ZNF682: variants seen among roughly 807,000 people sequenced by gnomAD.
ZNF682 encodes zinc finger protein 682.
ZNF682 carries 29 observed loss-of-function variants against 36.5 expected under a neutral mutation model. That is an observed-to-expected ratio of 0.80 (90% CI 0.59 to 1.08). The LOEUF (loss-of-function observed/expected upper bound fraction) is 1.08, where lower values mean the gene tolerates loss of function less well. Among genes scored for constraint, ZNF682 ranks in the 50% least tolerant of loss-of-function variants. The pLI is 0.00. For missense variants in ZNF682, 561 were observed against 579.7 expected, an observed-to-expected ratio of 0.97 and a Z score of 0.33; for synonymous variants, 180 against 197.0, an observed-to-expected ratio of 0.91 and a Z score of 0.72.
At chr19:20,021,510 C>T (rs1473076694) in intron 3 of ZNF682, among the ~76,000 whole-genome samples, 2 of 151,980 alleles carry the variant, frequency 1.3e-5, no homozygotes, top group East Asian at 1.9e-4. Flanking sequence ...AAAACAACAA[C>T]AACAAAAAAC....
At chr19:20,023,842 C>T (rs1386366240) in intron 2 of ZNF682, among the ~76,000 whole-genome samples, 6 of 151,826 alleles carry the variant, frequency 4.0e-5, no homozygotes, top group African/African-American at 1.5e-4. Context: ...ATTAGCTGGC[C>T]GTGGTGGTGG....
chr19:20,011,961 C>T (rs1156954795), intron 3 of ZNF682, among the ~76,000 whole-genome samples: 1 of 151,834 alleles, frequency 6.6e-6, no homozygotes, highest in African/African-American at 2.4e-5. Context: ...CACTTGAACC[C>T]AGGAGGCAGA....
At chr19:20,029,809 C>A (rs2088464682) in intron 1 of ZNF682, among the ~76,000 whole-genome samples, 1 of 106,774 alleles carries the variant, frequency 9.4e-6, no homozygotes, top group African/African-American at 3.6e-5. Flanking sequence ...CCTCTAGAAA[C>A]AGTGGTTTTA....
chr19:19,995,294 T>C (rs1250205060), downstream of ZNF682, among the ~76,000 whole-genome samples: 1 of 152,124 alleles, frequency 6.6e-6, no homozygotes, highest in Non-Finnish European at 1.5e-5. Flanking sequence ...ACTGTATATA[T>C]TTACACCACC....
At position 20,006,165 on chromosome 19, in the gene ZNF682, A is replaced by C; in HGVS notation, c.1337T>G (p.Ile446Ser). ...RCSHLTRHKK[I>S]HTAVKRYKCE... ...TTTATAGCGTTTGACGGCAGTATGA[A>C]TTTTCTTATGTCTAGTAAGGTGTGA... The change falls in exon 4 of 4, where the codon ATT (isoleucine) becomes AGT (serine). Residue 446 changes from isoleucine (I) to serine (S), a missense_variant. Ile to Ser is a moderately radical substitution (Grantham distance 142, BLOSUM62 -2). Coordinates refer to ENST00000397165, the MANE Select transcript of ZNF682 (RefSeq NM_033196.3). 6.2e-7 allele frequency: 1 copy of C among 1,612,508 alleles called. No homozygotes were observed. Among genetic ancestry groups the C allele is most frequent in the Middle Eastern group, 1.7e-4 (1 of 6,054 alleles).
intron 1 of ZNF682, among the ~76,000 whole-genome samples, chr19:20,036,784 T>C (rs1169936863): frequency 1.7e-5 from 2 of 117,328 alleles, no homozygotes; most frequent in African/African-American, 3.3e-5. Context: ...TCCGGGAACA[T>C]GGTGAGATGC....
chr19:20,003,994 C>T (rs1408496098), downstream of ZNF682, among the ~76,000 whole-genome samples: 2 of 152,178 alleles, frequency 1.3e-5, no homozygotes, highest in Non-Finnish European at 2.9e-5. Flanking sequence ...TTCCCTTACA[C>T]TTTATCTTTA....
chr19:20,021,133 C>T (rs918629900), intron 3 of ZNF682, among the ~76,000 whole-genome samples: 2 of 152,152 alleles, frequency 1.3e-5, no homozygotes, highest in African/African-American at 4.8e-5. Flanking sequence ...AAAAAAATCT[C>T]ATGTTTAAAG....
chr19:20,039,208 G>T, intron 1 of ZNF682, 135 bp downstream of exon 1: 2 of 1,452,854 alleles, frequency 1.4e-6, no homozygotes, highest in Non-Finnish European at 1.8e-6. Context: ...CGACGGCCGA[G>T]CTGTGCCTGC....
intron 3 of ZNF682, chr19:20,015,135 T>C (rs749985230): frequency 6.0e-5 from 55 of 913,308 alleles, no homozygotes; most frequent in Non-Finnish European, 7.1e-5. Context: ...AAATAAACAA[T>C]TACACCTAAA....
In ZNF682 at chr19:20,013,877, G is replaced by A. The variant is rs192241827; in HGVS notation, c.227-6602C>T. Among the ~76,000 whole-genome samples, 288 of 152,240 alleles carry A rather than the reference G, an allele frequency of 1.9e-3. 1 individual carries two copies. Among genetic ancestry groups the A allele is most frequent in the Non-Finnish European group, 2.9e-3 (200 of 68,022 alleles). On this transcript the variant is annotated intron_variant, in intron 3 of 3. Transcript: ENST00000397165. Reference sequence around the variant, plus strand: ...TTGCAGGTGTGAGCCACCATGCCTGGCCTAGCAAACTTTTAAAAATGGAAA... The same window carrying A: ...TTGCAGGTGTGAGCCACCATGCCTGACCTAGCAAACTTTTAAAAATGGAAA...
At chr19:20,000,632 C>T (rs913849929), downstream of ZNF682, among the ~76,000 whole-genome samples, 2 of 152,170 alleles carry the variant, frequency 1.3e-5, no homozygotes, top group African/African-American at 2.4e-5. Flanking sequence ...AAAATGGGGA[C>T]GAAGTTTATC....
chr19:20,002,506 G>A (rs147565448), downstream of ZNF682, among the ~76,000 whole-genome samples: 296 of 152,258 alleles, frequency 1.9e-3, no homozygotes, highest in Non-Finnish European at 3.4e-3. Context: ...CTTAACTTGC[G>A]CAGTCCCTTT....
At position 20,007,069 on chromosome 19, in the gene ZNF682, A is replaced by C. The variant is rs748462207; in HGVS notation, c.433T>G (p.Phe145Val). 1.2e-6 allele frequency: 2 copies of C among 1,613,462 alleles called. No homozygotes were observed. The highest frequency in any genetic ancestry group is 8.5e-7 in the Non-Finnish European group (1 of 1,179,928). The change falls in exon 4 of 4, where the codon TTC (phenylalanine) becomes GTC (valine). Residue 145 changes from phenylalanine (F) to valine (V), a missense_variant. Phe to Val is a conservative substitution (Grantham distance 50, BLOSUM62 -1). Coordinates refer to ENST00000397165, the MANE Select transcript of ZNF682 (RefSeq NM_033196.3). ...ACTTTCACACATTTATTATATGGGA[A>C]AATTTTGCTAGGTAGAGTTGACAAA... Reference protein sequence around the residue: ...QCLSTLPSKIFPYNKCVKVFS... With the variant: ...QCLSTLPSKIVPYNKCVKVFS...
rs2088194662 is a variant in ZNF682, at chr19:20,004,562, CATCT to C, written c.*1439_*1442del. 6.6e-6 allele frequency: 1 copy of C among 152,210 alleles called. No homozygotes were observed. The highest frequency in any genetic ancestry group is 1.5e-5 in the Non-Finnish European group (1 of 68,036). 9.4% of individuals were successfully genotyped at this position (152,210 alleles called of 1,614,324 possible). A position where few individuals can be genotyped will look rare whatever the true frequency, so the allele number is the denominator to read the frequency against. ...TAATGCACAAGACTATTACTCTGAA[CATCT>C]ATCTCATGCAGCACTTACAAGTTTT... On this transcript the variant is annotated 3_prime_UTR_variant, in exon 4 of 4. Transcript: ENST00000397165.
At chr19:20,018,436 A>C (rs2088357059) in intron 3 of ZNF682, among the ~76,000 whole-genome samples, 1 of 152,204 alleles carries the variant, frequency 6.6e-6, no homozygotes, top group Non-Finnish European at 1.5e-5. Flanking sequence ...AACACCCTTT[A>C]AAAAGAACAA....
downstream of ZNF682, among the ~76,000 whole-genome samples, chr19:19,995,845 C>T (rs1241342275): frequency 2.6e-5 from 4 of 151,974 alleles, no homozygotes; most frequent in African/African-American, 7.3e-5. Flanking sequence ...AACATAACAT[C>T]TCAGTCATAA....
At chr19:20,003,233 CAAAGG>C (rs1568535151), downstream of ZNF682, among the ~76,000 whole-genome samples, 1 of 84,752 alleles carries the variant, frequency 1.2e-5, no homozygotes, top group East Asian at 2.9e-4. Flanking sequence ...AAAAGAGCAA[CAAAGG>C]AAAGATTGGC....
chr19:20,023,367 C>A (rs112547797), intron 2 of ZNF682, among the ~76,000 whole-genome samples: 1 of 151,658 alleles, frequency 6.6e-6, no homozygotes, highest in Admixed American at 6.6e-5. Flanking sequence ...TGTGGTGGCA[C>A]GTGCCTGTAA....
Sources: gnomAD v4.1 joint callset for allele counts (sites outside exome capture counted in the v4.1 genomes callset) on GRCh38, gnomAD v4.1.1 for gene constraint, MANE v1.5 for transcripts, NCBI Gene and HGNC (gene_info 2026-07-23, HGNC 2026-07-21) for gene names.